The following FREM3 variants were observed in gnomAD, a reference collection of about 807,000 sequenced individuals.
FREM3 encodes the protein FRAS1-related extracellular matrix protein 3.
Under a neutral mutation model 129.1 loss-of-function variants are expected in FREM3, and 105 were observed. The ratio of observed to expected loss-of-function variants is 0.81; its 90% confidence interval spans 0.69 to 0.96. The LOEUF (loss-of-function observed/expected upper bound fraction) is 0.96, where lower values mean the gene tolerates loss of function less well. Ranked by LOEUF, FREM3 falls within the 40% of genes least tolerant of loss-of-function variation. FREM3 has a pLI of 0.00. For synonymous variants in FREM3, 1,014 were observed against 1,044.9 expected (o/e 0.97, Z 0.57); for missense variants, 2,593 against 2,666.3 (o/e 0.97, Z 0.61).
rs1231604440 is a variant in FREM3, at chr4:143,663,415, ACT to A, written c.5275+29696_5275+29697del. 9.2e-5 allele frequency among the ~76,000 whole-genome samples: 14 copies of A among 151,962 alleles called. No individual in the cohort carries two copies. In the South Asian group the frequency reaches 2.5e-3, roughly 27 times the overall value. ...TTAAGAATGTTGAATATTGGCCCCCACTCTCTTCTGGCTTGTAGAGTTTCTGC... is the reference window on the plus strand; with the variant it reads ...TTAAGAATGTTGAATATTGGCCCCCACTCTTCTGGCTTGTAGAGTTTCTGC... On this transcript the variant is annotated intron_variant, in intron 2 of 7. Coordinates refer to ENST00000329798, the MANE Select transcript of FREM3 (RefSeq NM_001168235.2).
At chr4:143,632,941 G>A (rs922337233) in intron 2 of FREM3, among the ~76,000 whole-genome samples, 3 of 152,184 alleles carry the variant, frequency 2.0e-5, no homozygotes, top group Admixed American at 6.5e-5. Context: ...CTACAGGAAG[G>A]AATTAGAAAA....
chr4:143,665,296 T>G (rs1739837879), intron 2 of FREM3, among the ~76,000 whole-genome samples: 1 of 152,112 alleles, frequency 6.6e-6, no homozygotes, highest in Non-Finnish European at 1.5e-5. Flanking sequence ...ATGAATAAGG[T>G]GCCTTACCCA....
intron 2 of FREM3, among the ~76,000 whole-genome samples, chr4:143,636,333 C>CA (rs35792262): frequency 0.024 from 1,943 of 81,210 alleles, 31 homozygotes; most frequent in East Asian, 0.053. Context: ...GCAGCCTGTC[C>CA]AAAAAAAAAA....
At chr4:143,671,504 A>G (rs1033080761) in intron 2 of FREM3, among the ~76,000 whole-genome samples, 1 of 152,168 alleles carries the variant, frequency 6.6e-6, no homozygotes, top group Non-Finnish European at 1.5e-5. Context: ...ATATTTGCTT[A>G]TATAAAAGCA....
intron 2 of FREM3, among the ~76,000 whole-genome samples, chr4:143,639,108 G>A (rs1007528959): frequency 6.6e-6 from 1 of 152,106 alleles, no homozygotes; most frequent in African/African-American, 2.4e-5. Flanking sequence ...TTAGAAAACA[G>A]AATTTTCCTA....
At chr4:143,588,349 C>G (rs554479579) in intron 6 of FREM3, among the ~76,000 whole-genome samples, 40 of 152,094 alleles carry the variant, frequency 2.6e-4, no homozygotes, top group Middle Eastern at 3.4e-3. Context: ...CCCATTAACT[C>G]ATCATTTAGC....
intron 2 of FREM3, among the ~76,000 whole-genome samples, chr4:143,631,117 A>T (rs1302051140): frequency 6.6e-6 from 1 of 152,158 alleles, no homozygotes; most frequent in Non-Finnish European, 1.5e-5. Context: ...TGTATTGGTC[A>T]TATCCTACAA....
intron 2 of FREM3, among the ~76,000 whole-genome samples, chr4:143,673,872 G>C (rs1338132995): frequency 2.0e-5 from 3 of 152,210 alleles, no homozygotes; most frequent in Non-Finnish European, 2.9e-5. Context: ...AGGCTCCATG[G>C]GTGTGGGACC....
In FREM3 at chr4:143,696,716, T is replaced by C. The variant is rs61740394; in HGVS notation, c.3960A>G (p.Gly1320=). 6.5e-6 allele frequency: 10 copies of C among 1,537,754 alleles called. No homozygotes were observed. The African/African-American group carries it at 1.2e-4, about 19-fold the overall frequency. The change falls in exon 1 of 8, where the codon GGA becomes GGG. Residue 1320 remains glycine, a synonymous_variant. Transcript: ENST00000329798. ...TCCGATTTGTGATGATCTCAGAGTG[T>C]CCTTTCTCTACCTTCAGCCCATTGT... is the stretch of plus-strand genomic sequence containing the variant. ...TVNNGLKVEK[G]HSEIITNRIL... is the part of the protein sequence containing the mutation.
At chr4:143,672,483 CT>C (rs1265682235) in intron 2 of FREM3, among the ~76,000 whole-genome samples, 1 of 152,214 alleles carries the variant, frequency 6.6e-6, no homozygotes, top group Non-Finnish European at 1.5e-5. Context: ...ATGGACTTCC[CT>C]TTGTGGGTAA....
chr4:143,699,874 T>A lies in FREM3; in HGVS notation c.802A>T (p.Met268Leu). The stretch of plus-strand genomic sequence containing the variant: ...CCCTCAGGCCCCAGCAGCTCCACCA[T>A]CATGGGCACGTAGTCACGGTTGGGC... ...SSPNRDYVPM[M>L]VELLGPEGQD... is the part of the protein sequence containing the mutation. The change falls in exon 1 of 8, where the codon ATG becomes TTG. Residue 268 changes from methionine to leucine, a missense_variant. By Grantham distance (15) the Met-to-Leu change is conservative. This residue lies in a region of FREM3 where 2,276 missense variants were observed against 2,267.2 expected (regional missense o/e 1.00). Transcript: ENST00000329798. This position sits in a 1 kb window ranked among gnomAD's most constrained non-coding sequence, Gnocchi z 4.2. The A allele has an allele frequency of 2.6e-6, 4 of 1,536,680 alleles. No individual in the cohort carries two copies. Among genetic ancestry groups the A allele is most frequent in the Non-Finnish European group, 3.5e-6 (4 of 1,146,858 alleles).
rs146553388 is a variant in FREM3 at position 143,678,652 on chromosome 4, A to G, written c.5275+14461T>C. Among the ~76,000 whole-genome samples the G allele has an allele frequency of 2.1e-3, 324 of 152,190 alleles. 2 individuals are homozygous for G. The highest frequency in any genetic ancestry group is 7.6e-3 in the African/African-American group (315 of 41,566). On this transcript the variant is annotated intron_variant, in intron 2 of 7. Coordinates refer to ENST00000329798, the MANE Select transcript of FREM3 (RefSeq NM_001168235.2). The stretch of plus-strand genomic sequence containing the variant: ...ATTCAAATATCCAGGTTAAATCAAT[A>G]TTTCTGGTGCTAAGAAAAAGTATGC...
intron 6 of FREM3, among the ~76,000 whole-genome samples, chr4:143,598,078 C>T (rs576002179): frequency 1.8e-4 from 28 of 152,324 alleles, no homozygotes; most frequent in African/African-American, 6.7e-4. Flanking sequence ...CCCTCATGAC[C>T]TAATCACCTT....
At chr4:143,664,264 G>C (rs981654355) in intron 2 of FREM3, among the ~76,000 whole-genome samples, 1 of 152,074 alleles carries the variant, frequency 6.6e-6, no homozygotes, top group Non-Finnish European at 1.5e-5. Flanking sequence ...TGAGTTTTTG[G>C]TGTGGATGTC....
chr4:143,616,650 G>T (rs996263890), intron 5 of FREM3, among the ~76,000 whole-genome samples: 2 of 152,068 alleles, frequency 1.3e-5, no homozygotes, highest in Non-Finnish European at 2.9e-5. Context: ...AAAATTAGCC[G>T]GGCGTGGTGG....
At chr4:143,675,030 C>T (rs1053031745) in intron 2 of FREM3, among the ~76,000 whole-genome samples, 1 of 152,146 alleles carries the variant, frequency 6.6e-6, no homozygotes, top group Admixed American at 6.5e-5. Flanking sequence ...CAGCTCTGCA[C>T]CAAGTGGACC....
At chr4:143,650,646 A>G (rs984523468) in intron 2 of FREM3, among the ~76,000 whole-genome samples, 9 of 152,194 alleles carry the variant, frequency 5.9e-5, no homozygotes, top group Admixed American at 2.6e-4. Context: ...ACATGCCAAC[A>G]TGCCCAGCCA....
Position 143,696,653 on chromosome 4 carries a change from G to A in FREM3, c.4023C>T (p.Ser1341=). 6.5e-7 allele frequency: 1 copy of A among 1,537,856 alleles called. No homozygotes were observed. The highest frequency in any genetic ancestry group is 8.7e-7 in the Non-Finnish European group (1 of 1,147,048). Residue 1341 remains serine, a synonymous_variant, in exon 1 of 8, where the codon AGC becomes AGT. Transcript: ENST00000329798. ...KATDLDSDDK[S]LSFVLHSGPQ... ...GCCCAGAATGGAGGACAAAACTGAG[G>A]CTTTTATCATCTGAGTCAAGATCTG...
chr4:143,631,346 T>TATTG, intron 2 of FREM3, among the ~76,000 whole-genome samples: 1 of 151,994 alleles, frequency 6.6e-6, no homozygotes, highest in Non-Finnish European at 1.5e-5. Context: ...TTTATTTATT[T>TATTG]ATTTATTTAT....
Sources: gnomAD v4.1 joint callset for allele counts (sites outside exome capture counted in the v4.1 genomes callset) on GRCh38, gnomAD v4.1.1 for gene constraint, gnomAD v4.1.1 regional missense constraint, Gnocchi (gnomAD v3.1) non-coding constraint, MANE v1.5 for transcripts, NCBI Gene and HGNC (gene_info 2026-07-23, HGNC 2026-07-21) for gene names.